DGLUCY: variants seen among roughly 807,000 people sequenced by gnomAD.
The protein encoded by DGLUCY is D-glutamate cyclase.
Under a neutral mutation model 58.5 loss-of-function variants are expected in DGLUCY, and 58 were observed. The observed-to-expected ratio is 0.99, with a 90% CI of 0.80 to 1.23. The LOEUF (loss-of-function observed/expected upper bound fraction) is 1.23. Ranked by LOEUF, DGLUCY falls within the 50% of genes most tolerant of loss-of-function variation. The pLI, the probability that DGLUCY is intolerant of heterozygous loss-of-function variation, is 0.00. For missense variants in DGLUCY, 779 were observed against 784.7 expected (o/e 0.99, Z 0.09); for synonymous variants, 325 against 314.1 (o/e 1.03, Z -0.37).
intron 1 of DGLUCY, among the ~76,000 whole-genome samples, chr14:91,061,690 G>T (rs1331474650): frequency 6.6e-6 from 1 of 152,198 alleles, no homozygotes; most frequent in Non-Finnish European, 1.5e-5. Flanking sequence ...CTACAGCAGA[G>T]AAGGCAAGGG....
At chr14:91,079,108 T>C (rs964978253) in intron 1 of DGLUCY, among the ~76,000 whole-genome samples, 2 of 151,632 alleles carry the variant, frequency 1.3e-5, no homozygotes, top group African/African-American at 4.8e-5. Flanking sequence ...TTCACCATAT[T>C]GGCCAGGCTG....
upstream of DGLUCY, among the ~76,000 whole-genome samples, chr14:91,103,212 G>T (rs922313343): frequency 6.6e-6 from 1 of 152,008 alleles, no homozygotes; most frequent in East Asian, 1.9e-4. Context: ...CTTCATCCAC[G>T]CACTCCATGC....
At chr14:91,087,703 G>A (rs2044246060) in intron 1 of DGLUCY, among the ~76,000 whole-genome samples, 1 of 152,168 alleles carries the variant, frequency 6.6e-6, no homozygotes, top group Admixed American at 6.5e-5. Context: ...GATACAGAAT[G>A]TGAGGTCCCA....
Position 91,167,257 on chromosome 14 carries a change from A to T in DGLUCY, c.136A>T (p.Arg46Trp). The change falls in exon 4 of 14, where the codon AGG (arginine) becomes TGG (tryptophan). Residue 46 changes from arginine (R) to tryptophan (W), a missense_variant. Transcript: ENST00000256324. ...LRPASLVVLP[R>W]SLAPAFERFC... is the part of the protein sequence containing the mutation. Reference sequence around the variant, plus strand: ...ACCAGCCAGCCTGGTGGTCCTGCCCAGGTCCCTTGCTCCAGCTTTTGAAAG... The same window carrying T: ...ACCAGCCAGCCTGGTGGTCCTGCCCTGGTCCCTTGCTCCAGCTTTTGAAAG... 4 of 1,611,160 alleles carry T rather than the reference A, an allele frequency of 2.5e-6. No individual in the cohort carries two copies. Among genetic ancestry groups the T allele is most frequent in the Non-Finnish European group, 3.4e-6 (4 of 1,179,260 alleles).
At chr14:91,102,989 T>C (rs908151293), upstream of DGLUCY, among the ~76,000 whole-genome samples, 5 of 152,034 alleles carry the variant, frequency 3.3e-5, no homozygotes, top group Non-Finnish European at 5.9e-5. Context: ...CTCGAACTCC[T>C]GACCTCAAAT....
chr14:91,117,772 T>A (rs2140123998), intron 1 of DGLUCY, among the ~76,000 whole-genome samples: 1 of 152,252 alleles, frequency 6.6e-6, no homozygotes, highest in South Asian at 2.1e-4. Context: ...CTGACATGGT[T>A]GGGATACAGC....
At chr14:91,197,864 A>G (rs909114796) in intron 10 of DGLUCY, among the ~76,000 whole-genome samples, 8 of 152,222 alleles carry the variant, frequency 5.3e-5, no homozygotes, top group African/African-American at 2.4e-5. Flanking sequence ...ATGGGTGGAC[A>G]AATAACTCCT....
intron 7 of DGLUCY, among the ~76,000 whole-genome samples, chr14:91,180,414 A>G (rs1400317243): frequency 6.6e-6 from 1 of 151,586 alleles, no homozygotes; most frequent in Non-Finnish European, 1.5e-5. Flanking sequence ...TCTACTAAAA[A>G]TACTAAAATT....
rs145079144 is a variant in DGLUCY at position 91,123,450 on chromosome 14, C to T, written c.-82+9167C>T. ...CTGTTTGGGAAAACTGTCATACTGA[C>T]GCGCTAGGTTGGGAGAGATGAGGTG... On this transcript the variant is annotated intron_variant, in intron 1 of 13. Transcript: ENST00000256324. Among the ~76,000 whole-genome samples, 7 of 149,224 alleles carry T rather than the reference C, an allele frequency of 4.7e-5. No individual in the cohort carries two copies. In the East Asian group the frequency reaches 5.9e-4, roughly 13 times the overall value.
intron 13 of DGLUCY, among the ~76,000 whole-genome samples, chr14:91,221,776 A>G (rs988033412): frequency 6.6e-6 from 1 of 152,174 alleles, no homozygotes; most frequent in African/African-American, 2.4e-5. Flanking sequence ...TTAACATACA[A>G]TAAAGTGTGT....
chr14:91,138,468 G>T (rs1263006905), intron 1 of DGLUCY, among the ~76,000 whole-genome samples: 2 of 152,146 alleles, frequency 1.3e-5, no homozygotes, highest in Non-Finnish European at 2.9e-5. Context: ...TCCAGCCTGG[G>T]CAACAAGAGT....
chr14:91,096,982 T>C (rs2044405889), intron 1 of DGLUCY, among the ~76,000 whole-genome samples: 1 of 152,214 alleles, frequency 6.6e-6, no homozygotes, highest in African/African-American at 2.4e-5. Context: ...CTTAAAAAAA[T>C]AGCCTTAAAT....
rs1349377136 is a variant in DGLUCY at position 91,167,292 on chromosome 14, G to T, written c.171G>T (p.Gln57His). 6.2e-6 allele frequency: 10 copies of T among 1,613,616 alleles called. No homozygotes were observed. The Admixed American group carries it at 1.5e-4, about 24-fold the overall frequency. Residue 57 changes from glutamine (Q) to histidine (H), a missense_variant, in exon 4 of 14, where the codon CAG becomes CAT. Gln to His is a conservative substitution (Grantham distance 24). Coordinates refer to ENST00000256324, the MANE Select transcript of DGLUCY (RefSeq NM_001102368.3). Reference protein sequence around the residue: ...SLAPAFERFCQVNTGPLPLLG... With the variant: ...SLAPAFERFCHVNTGPLPLLG... The stretch of plus-strand genomic sequence containing the variant: ...CTCCAGCTTTTGAAAGATTCTGCCA[G>T]GTCAACACTGGTCCTCTACCCCTGC...
intron 1 of DGLUCY, among the ~76,000 whole-genome samples, chr14:91,088,310 G>T (rs1428292649): frequency 6.6e-6 from 1 of 152,102 alleles, no homozygotes; most frequent in African/African-American, 2.4e-5. Context: ...CTCCCTGGGG[G>T]TTACATAATA....
At chr14:91,206,632 C>T (rs2140651410) in intron 12 of DGLUCY, among the ~76,000 whole-genome samples, 1 of 152,244 alleles carries the variant, frequency 6.6e-6, no homozygotes, top group East Asian at 1.9e-4. Flanking sequence ...ATCCACCCAC[C>T]TCAGCCTCCC....
At chr14:91,161,447 C>T (rs530915105) in intron 3 of DGLUCY, among the ~76,000 whole-genome samples, 1 of 152,294 alleles carries the variant, frequency 6.6e-6, no homozygotes, top group South Asian at 2.1e-4. Context: ...CTTAGCAGGG[C>T]GCTTCTTCTG....
At chr14:91,138,334 C>G (rs1363212830) in intron 1 of DGLUCY, among the ~76,000 whole-genome samples, 2 of 151,904 alleles carry the variant, frequency 1.3e-5, no homozygotes, top group Non-Finnish European at 2.9e-5. Context: ...TCTACTAAAA[C>G]TACAAAATTA....
intron 13 of DGLUCY, chr14:91,223,710 G>A: frequency 1.6e-6 from 2 of 1,288,048 alleles, no homozygotes; most frequent in Non-Finnish European, 2.0e-6. Flanking sequence ...TAGGCTAAAG[G>A]CCAGAAGACC....
At chr14:91,105,197 C>G (rs748907188), upstream of DGLUCY, among the ~76,000 whole-genome samples, 1 of 152,000 alleles carries the variant, frequency 6.6e-6, no homozygotes, top group African/African-American at 2.4e-5. Flanking sequence ...TGCCTGTAAT[C>G]CCCACTACTT....
Sources: gnomAD v4.1 joint callset for allele counts (sites outside exome capture counted in the v4.1 genomes callset) on GRCh38, gnomAD v4.1.1 for gene constraint, MANE v1.5 for transcripts, NCBI Gene and HGNC (gene_info 2026-07-23, HGNC 2026-07-21) for gene names.